CEP112: variants seen among roughly 807,000 people sequenced by gnomAD.
CEP112 encodes centrosomal protein 112.
Under a neutral mutation model 153.0 loss-of-function variants are expected in CEP112, and 127 were observed. That is an observed-to-expected ratio of 0.83 (90% CI 0.72 to 0.96). CEP112 has a LOEUF of 0.96. Ranked by LOEUF, CEP112 falls within the 40% of genes least tolerant of loss-of-function variation. CEP112 has a pLI of 0.00. For missense variants in CEP112, 1,089 were observed against 1,101.2 expected (o/e 0.99, Z 0.16); for synonymous variants, 358 against 374.4 (o/e 0.96, Z 0.51).
At chr17:65,686,068 G>A (rs977019727) in intron 24 of CEP112, among the ~76,000 whole-genome samples, 4 of 138,868 alleles carry the variant, frequency 2.9e-5, no homozygotes, top group Non-Finnish European at 1.5e-5. Context: ...AATAGTATTT[G>A]TTAAATATCT....
chr17:65,717,969 A>G (rs1307000828), intron 23 of CEP112, among the ~76,000 whole-genome samples: 1 of 152,296 alleles, frequency 6.6e-6, no homozygotes, highest in Non-Finnish European at 1.5e-5. Context: ...TTTTTTTCTG[A>G]TAACTTTTCT....
intron 4 of CEP112, among the ~76,000 whole-genome samples, chr17:66,161,200 T>C (rs1266849158): frequency 6.6e-6 from 1 of 152,160 alleles, no homozygotes; most frequent in Non-Finnish European, 1.5e-5. Context: ...CTGGAGAGGA[T>C]GTGAAGAAAT....
At chr17:65,889,465 T>C (rs2059391612) in intron 20 of CEP112, among the ~76,000 whole-genome samples, 1 of 152,188 alleles carries the variant, frequency 6.6e-6, no homozygotes, top group African/African-American at 2.4e-5. Context: ...GTTACTTTTT[T>C]CCTGGCTCAT....
chr17:65,875,294 T>C lies in CEP112; in HGVS notation c.2164-23260A>G, dbSNP rs142640878. Among the ~76,000 whole-genome samples the C allele has an allele frequency of 3.1e-3, 469 of 152,212 alleles. 1 individual carries two copies. The highest frequency in any genetic ancestry group is 0.011 in the African/African-American group (452 of 41,578). ...ACCAATGCATTGCCAAAAGTTTTCT[T>C]TACAAACTTTTTCCACTGAATGTTT... On this transcript the variant is annotated intron_variant, in intron 20 of 26. Transcript: ENST00000535342.
intron 6 of CEP112, among the ~76,000 whole-genome samples, chr17:66,111,377 A>C (rs2069035047): frequency 6.6e-6 from 1 of 152,218 alleles, no homozygotes; most frequent in Non-Finnish European, 1.5e-5. Context: ...GAGGAATATA[A>C]ATCATTCTAC....
intron 17 of CEP112, among the ~76,000 whole-genome samples, chr17:65,997,960 A>C (rs4239074): frequency 0.5 from 76,735 of 151,960 alleles, 20,242 homozygotes; most frequent in African/African-American, 0.55. Flanking sequence ...CTTTTATTGA[A>C]AGTCAAAATA....
chr17:65,640,154 A>ATATTTTTTTTTTT (rs1300751452), intron 25 of CEP112, among the ~76,000 whole-genome samples: 2 of 78,348 alleles, frequency 2.6e-5, no homozygotes, highest in Admixed American at 1.7e-4. Flanking sequence ...ATATATATAT[A>ATATTTTTTTTTTT]TTTTTTTTTT....
intron 20 of CEP112, among the ~76,000 whole-genome samples, chr17:65,867,621 A>T (rs1015862481): frequency 1.3e-5 from 2 of 152,182 alleles, no homozygotes; most frequent in African/African-American, 4.8e-5. Context: ...TTTGAAAAAA[A>T]AATTCTTGTT....
rs376402700 is a variant in CEP112, at chr17:65,643,103, C to A, written c.2698-2038G>T. Among the ~76,000 whole-genome samples, 18 of 152,120 alleles carry A rather than the reference C, an allele frequency of 1.2e-4. No individual in the cohort carries two copies. The South Asian group carries it at 3.8e-3, about 32-fold the overall frequency. On this transcript the variant is annotated intron_variant, in intron 24 of 26. Coordinates refer to ENST00000535342, the MANE Select transcript of CEP112 (RefSeq NM_001199165.4). ...GTCCTTTGGGTAGCAATGTGGAAAC[C>A]ACCAGGGCCTTTGTGGAGAAAATGG...
rs372017654 is a variant in CEP112 at position 65,974,444 on chromosome 17, T to G, written c.1737-12846A>C. Among the ~76,000 whole-genome samples the G allele has an allele frequency of 2.5e-3, 385 of 152,264 alleles. 3 individuals are homozygous for G. Among genetic ancestry groups the G allele is most frequent in the Middle Eastern group, 0.01 (3 of 294 alleles). On this transcript the variant is annotated intron_variant, in intron 17 of 26. Transcript: ENST00000535342. The stretch of plus-strand genomic sequence containing the variant: ...CAGTGTAACCTTTATGGAGGAAAAT[T>G]TGCCACTACATAACAATACTATATA...
In CEP112 at chr17:65,649,719, A is replaced by AAC. The variant is rs1418641422; in HGVS notation, c.2698-8655_2698-8654insGT. Among the ~76,000 whole-genome samples, 5 of 148,098 alleles carry AAC rather than the reference A, an allele frequency of 3.4e-5. No individual in the cohort carries two copies. The East Asian group carries it at 9.7e-4, about 29-fold the overall frequency. ...GGCAACTGAATAAGACCCTGTCTCA[A>AAC]AAAAAAAAAAAAAAAAGTGTGCCCA... is the stretch of plus-strand genomic sequence containing the variant. On this transcript the variant is annotated intron_variant, in intron 24 of 26. Coordinates refer to ENST00000535342, the MANE Select transcript of CEP112 (RefSeq NM_001199165.4).
At chr17:65,721,783 A>T (rs1253123177) in intron 23 of CEP112, among the ~76,000 whole-genome samples, 2 of 152,188 alleles carry the variant, frequency 1.3e-5, no homozygotes, top group African/African-American at 2.4e-5. Flanking sequence ...GCCTTTTCAA[A>T]TAATAACCTC....
chr17:65,781,920 A>G (rs2054019615), intron 21 of CEP112, among the ~76,000 whole-genome samples: 1 of 152,182 alleles, frequency 6.6e-6, no homozygotes, highest in Non-Finnish European at 1.5e-5. Context: ...AAAACTCAGG[A>G]AACACCATTC....
intron 23 of CEP112, among the ~76,000 whole-genome samples, chr17:65,720,984 T>A (rs956466582): frequency 6.6e-6 from 1 of 150,500 alleles, no homozygotes; most frequent in Non-Finnish European, 1.5e-5. Context: ...ATCCATGCTT[T>A]TAAGTTTTAT....
chr17:65,871,103 T>C (rs2058657485), intron 20 of CEP112, among the ~76,000 whole-genome samples: 1 of 152,216 alleles, frequency 6.6e-6, no homozygotes. Flanking sequence ...ATTACTAAAG[T>C]ATTCTAAAGT....
chr17:65,920,268 C>T (rs746895678), intron 19 of CEP112, among the ~76,000 whole-genome samples: 49 of 148,706 alleles, frequency 3.3e-4, no homozygotes, highest in Non-Finnish European at 5.1e-4. Context: ...ATCACTTGAA[C>T]GTGGGTGGCA....
intron 21 of CEP112, among the ~76,000 whole-genome samples, chr17:65,844,744 G>GCA (rs2057660472): frequency 1.3e-5 from 2 of 150,540 alleles, no homozygotes; most frequent in South Asian, 4.2e-4. Flanking sequence ...GGCTGGGCGT[G>GCA]GTGGCTCACG....
chr17:65,714,923 A>G (rs1567904779), intron 23 of CEP112, among the ~76,000 whole-genome samples: 1 of 152,018 alleles, frequency 6.6e-6, no homozygotes. Context: ...TGAGTAGGGG[A>G]GCTGTATGAA....
At chr17:66,052,255 C>T (rs1229531790) in intron 12 of CEP112, among the ~76,000 whole-genome samples, 1 of 152,164 alleles carries the variant, frequency 6.6e-6, no homozygotes, top group Non-Finnish European at 1.5e-5. Flanking sequence ...TGGTATTCTA[C>T]TGAATGCATC....
Sources: gnomAD v4.1 joint callset for allele counts (sites outside exome capture counted in the v4.1 genomes callset) on GRCh38, gnomAD v4.1.1 for gene constraint, MANE v1.5 for transcripts, NCBI Gene and HGNC (gene_info 2026-07-23, HGNC 2026-07-21) for gene names.